Variants in IMPG2 observed in about 807,000 individuals in gnomAD.
IMPG2 encodes the protein IPM 200.
In IMPG2, 91 loss-of-function variants were observed where a neutral mutation model predicts 129.2. That is an observed-to-expected ratio of 0.70 (90% CI 0.59 to 0.84). IMPG2 has a LOEUF of 0.84. Among genes scored for constraint, IMPG2 ranks in the 40% least tolerant of loss-of-function variants. The probability of loss-of-function intolerance (pLI) is 0.00; values close to 1 mark genes in which losing one functional copy is unlikely to be tolerated. For synonymous variants in IMPG2, 510 were observed against 517.7 expected (o/e 0.99, Z 0.20); for missense variants, 1,430 against 1,461.7 (o/e 0.98, Z 0.35).
At chr3:101,310,142 A>G (rs1208739939) in intron 2 of IMPG2, among the ~76,000 whole-genome samples, 2 of 152,200 alleles carry the variant, frequency 1.3e-5, no homozygotes, top group Non-Finnish European at 2.9e-5. Flanking sequence ...AGATTTATGC[A>G]TTTCACTCTG....
At chr3:101,316,524 A>G (rs1333117537) in intron 2 of IMPG2, among the ~76,000 whole-genome samples, 1 of 152,108 alleles carries the variant, frequency 6.6e-6, no homozygotes, top group South Asian at 2.1e-4. Context: ...ATTGTTAGTC[A>G]TAAGTGGTTA....
At chr3:101,277,611 G>T (rs1052508935) in intron 4 of IMPG2, among the ~76,000 whole-genome samples, 2 of 152,190 alleles carry the variant, frequency 1.3e-5, no homozygotes, top group Admixed American at 6.5e-5. Flanking sequence ...CAAGCTTAGA[G>T]AAATTATTTG....
intron 14 of IMPG2, among the ~76,000 whole-genome samples, chr3:101,240,692 T>G: frequency 6.6e-6 from 1 of 152,194 alleles, no homozygotes; most frequent in East Asian, 1.9e-4. Context: ...TAATTGCCTC[T>G]TCCACTATAC....
Position 101,257,722 on chromosome 3 carries a change from A to G in IMPG2, c.960T>C (p.Asn320=). The G allele has an allele frequency of 6.2e-7, 1 of 1,613,304 alleles. No individual in the cohort carries two copies. Among genetic ancestry groups the G allele is most frequent in the Non-Finnish European group, 8.5e-7 (1 of 1,179,464 alleles). The part of the protein sequence containing the change: ...AVTFNGEAIS[N]TTWDLISLHS... ...GAAGGCTAATGAGGTCCCAGGTGGT[A>G]TTGCTGATGGCCTCACCATTGAAGG... The change falls in exon 10 of 19, where the codon AAT becomes AAC. Residue 320 remains asparagine, a synonymous_variant. Coordinates refer to ENST00000193391, the MANE Select transcript of IMPG2 (RefSeq NM_016247.4).
intron 17 of IMPG2, 80 bp downstream of exon 17, chr3:101,229,300 A>ACCCCCCCCCCCCCCCCCCCGGGCCCCCC: frequency 2.3e-6 from 2 of 859,118 alleles, no homozygotes; most frequent in Non-Finnish European, 1.9e-6. Context: ...ACTCATACAC[A>ACCCCCCCCCCCCCCCCCCCGGGCCCCCC]CCCCCACCCA....
chr3:101,295,056 T>C (rs1707064963), intron 3 of IMPG2, among the ~76,000 whole-genome samples: 1 of 152,196 alleles, frequency 6.6e-6, no homozygotes, highest in Non-Finnish European at 1.5e-5. Flanking sequence ...GAGAGTTTCT[T>C]TTGCTGTGTG....
chr3:101,259,622 A>G (rs181934836), intron 9 of IMPG2, among the ~76,000 whole-genome samples: 3 of 151,650 alleles, frequency 2.0e-5, no homozygotes, highest in Admixed American at 2.0e-4. Flanking sequence ...CAGCACAATC[A>G]AGGTATTTAC....
intron 10 of IMPG2, among the ~76,000 whole-genome samples, chr3:101,254,772 T>C (rs1192801012): frequency 6.6e-6 from 1 of 152,092 alleles, no homozygotes; most frequent in African/African-American, 2.4e-5. Context: ...TCATGTTGAA[T>C]TGCGATCCCA....
intron 2 of IMPG2, among the ~76,000 whole-genome samples, chr3:101,311,434 T>C (rs1707262911): frequency 6.6e-6 from 1 of 151,768 alleles, no homozygotes; most frequent in African/African-American, 2.4e-5. Flanking sequence ...CAATGAACAA[T>C]CAAAAAATGA....
chr3:101,304,552 T>A (rs1236920329), intron 2 of IMPG2, among the ~76,000 whole-genome samples: 2 of 152,210 alleles, frequency 1.3e-5, no homozygotes, highest in African/African-American at 4.8e-5. Flanking sequence ...CATCTCTTCA[T>A]GAGCTGGAGT....
intron 9 of IMPG2, among the ~76,000 whole-genome samples, chr3:101,260,779 T>C (rs905581366): frequency 2.2e-4 from 34 of 152,172 alleles, no homozygotes; most frequent in Non-Finnish European, 4.3e-4. Flanking sequence ...GAAGACGTGG[T>C]TGGTGCTCAT....
chr3:101,309,948 A>G (rs1707242712), intron 2 of IMPG2, among the ~76,000 whole-genome samples: 1 of 152,234 alleles, frequency 6.6e-6, no homozygotes, highest in South Asian at 2.1e-4. Context: ...TTCTATTTAT[A>G]TAAAGTCCTA....
At chr3:101,233,501 G>A (rs1458280714) in intron 14 of IMPG2, among the ~76,000 whole-genome samples, 1 of 152,160 alleles carries the variant, frequency 6.6e-6, no homozygotes, top group Non-Finnish European at 1.5e-5. Flanking sequence ...AGCCCAGTAA[G>A]AGCAGCCTAG....
intron 7 of IMPG2, among the ~76,000 whole-genome samples, chr3:101,272,356 G>GGGGACAGGGAGTACAGAGAT (rs1157096119): frequency 3.3e-5 from 5 of 152,096 alleles, no homozygotes; most frequent in South Asian, 2.1e-4. Context: ...TTCCAGGTAA[G>GGGGACAGGGAGTACAGAGAT]GGGACAGGGA....
At position 101,243,743 on chromosome 3, in the gene IMPG2, C is replaced by T. The variant is rs1171809422; in HGVS notation, c.2588G>A (p.Gly863Asp). Residue 863 changes from glycine to aspartate, a missense_variant, in exon 13 of 19, where the codon GGT becomes GAT. Transcript: ENST00000193391. ...EQVQEQNGKVGSYVEMSTSVH... is the reference protein window; with the variant it reads ...EQVQEQNGKVDSYVEMSTSVH... Reference sequence around the variant, plus strand: ...ACTTGTTGACATTTCCACATAACTACCAACCTTGCCATTTTGCTCTTGGAC... The same window carrying T: ...ACTTGTTGACATTTCCACATAACTATCAACCTTGCCATTTTGCTCTTGGAC... The T allele has an allele frequency of 1.2e-6, 2 of 1,613,842 alleles. No homozygotes were observed. The highest frequency in any genetic ancestry group is 2.7e-5 in the African/African-American group (2 of 75,062).
chr3:101,239,410 C>T (rs115568278), intron 14 of IMPG2, among the ~76,000 whole-genome samples: 2,834 of 152,172 alleles, frequency 0.019, 82 homozygotes, highest in African/African-American at 0.065. Context: ...AGTGGAATGG[C>T]GATCATTAAA....
chr3:101,314,476 T>C (rs552709620), intron 2 of IMPG2, among the ~76,000 whole-genome samples: 1 of 152,210 alleles, frequency 6.6e-6, no homozygotes, highest in African/African-American at 2.4e-5. Context: ...CAAATGAAAC[T>C]ATACCCAGCG....
intron 2 of IMPG2, among the ~76,000 whole-genome samples, chr3:101,309,172 T>C (rs934114437): frequency 6.6e-5 from 10 of 152,180 alleles, no homozygotes; most frequent in Admixed American, 1.3e-4. Flanking sequence ...CTTTCCCACA[T>C]CTTCCTGTCT....
rs200384880 is a variant in IMPG2 at position 101,272,101 on chromosome 3, A to G, written c.828+1480T>C. ...CCACTTCTTATCCTTTTACACACGC[A>G]CACACACACACACACACACATACAC... On this transcript the variant is annotated intron_variant, in intron 7 of 18. Transcript: ENST00000193391. Among the ~76,000 whole-genome samples, 10 of 2,118 alleles carry G rather than the reference A, an allele frequency of 4.7e-3. No homozygotes were observed. In the Admixed American group the frequency reaches 0.051, roughly 11 times the overall value. 1.4% of individuals were successfully genotyped at this position (2,118 alleles called of 152,430 possible).
Sources: gnomAD v4.1 joint callset for allele counts (sites outside exome capture counted in the v4.1 genomes callset) on GRCh38, gnomAD v4.1.1 for gene constraint, MANE v1.5 for transcripts, NCBI Gene and HGNC (gene_info 2026-07-23, HGNC 2026-07-21) for gene names.